Variants in TMPRSS11F observed in about 807,000 individuals in gnomAD.
TMPRSS11F encodes the protein transmembrane serine protease 11F, also known as transmembrane protease serine 11F.
A neutral mutation model predicts 60.2 loss-of-function variants in TMPRSS11F; 47 were observed. That is an observed-to-expected ratio of 0.78 (90% CI 0.62 to 1.00). The LOEUF is 1.00. TMPRSS11F is among the 50% of genes least tolerant of loss of function. The pLI is 0.00. For synonymous variants in TMPRSS11F, 166 were observed against 167.3 expected (o/e 0.99, Z 0.06); for missense variants, 519 against 522.9 (o/e 0.99, Z 0.07).
At chr4:68,096,119 T>TAA (rs1308680751) in intron 2 of TMPRSS11F, among the ~76,000 whole-genome samples, 1 of 142,640 alleles carries the variant, frequency 7.0e-6, no homozygotes. Flanking sequence ...AGTCAATAAT[T>TAA]TAAAAAAAAA....
At chr4:68,072,234 T>TATATATATATATATATATCTTCCAAA in intron 5 of TMPRSS11F, 89 bp downstream of exon 5, 1 of 134,634 alleles carries the variant, frequency 7.4e-6, no homozygotes, top group Non-Finnish European at 1.6e-5. Context: ...AAAAAAAATA[T>TATATATATATATATATATCTTCCAAA]ATATATATAT....
intron 9 of TMPRSS11F, among the ~76,000 whole-genome samples, chr4:68,057,938 C>A (rs1485030299): frequency 6.6e-6 from 1 of 152,110 alleles, no homozygotes; most frequent in African/African-American, 2.4e-5. Flanking sequence ...ATCTAGAGGA[C>A]ATTATGCTAA....
At chr4:68,105,057 T>G (rs1181988057) in intron 1 of TMPRSS11F, among the ~76,000 whole-genome samples, 1 of 144,410 alleles carries the variant, frequency 6.9e-6, no homozygotes, top group African/African-American at 2.5e-5. Flanking sequence ...AGGTTTTTTT[T>G]TTTTTTTTTT....
intron 1 of TMPRSS11F, among the ~76,000 whole-genome samples, chr4:68,118,695 G>A (rs1724571694): frequency 1.3e-5 from 2 of 151,868 alleles, no homozygotes; most frequent in East Asian, 1.9e-4. Context: ...TAGGCTAGGG[G>A]GAAATACAAA....
At chr4:68,062,527 G>C (rs1703827700) in intron 8 of TMPRSS11F, 1 of 749,384 alleles carries the variant, frequency 1.3e-6, no homozygotes, top group Non-Finnish European at 2.5e-6. Flanking sequence ...GATGGTAACT[G>C]TTTGCTTATT....
At chr4:68,075,640 T>C (rs555271471) in intron 3 of TMPRSS11F, among the ~76,000 whole-genome samples, 1 of 152,174 alleles carries the variant, frequency 6.6e-6, no homozygotes. Flanking sequence ...GAAAACTAGG[T>C]CACCAATAAC....
chr4:68,068,698 C>A lies in TMPRSS11F; in HGVS notation c.675G>T (p.Gln225His). The change falls in exon 7 of 10, where the codon CAG becomes CAT. Residue 225 changes from glutamine (Q) to histidine (H), a missense_variant. Gln to His is a conservative substitution (Grantham distance 24). Transcript: ENST00000356291. ...CACACTGATGGCCTGACCCTATGAG[C>A]TGGAGGCTGGCCTGCCATGGCCATT... is the stretch of plus-strand genomic sequence containing the variant. ...EGEWPWQASL[Q>H]LIGSGHQCGA... 6.2e-7 allele frequency: 1 copy of A among 1,614,178 alleles called. No homozygotes were observed.
intron 3 of TMPRSS11F, among the ~76,000 whole-genome samples, chr4:68,084,233 G>A (rs1723761883): frequency 6.6e-6 from 1 of 151,952 alleles, no homozygotes; most frequent in South Asian, 2.1e-4. Context: ...GGAACAACTT[G>A]CAAAACATAT....
At chr4:68,089,302 A>G (rs866990448) in intron 3 of TMPRSS11F, among the ~76,000 whole-genome samples, 5 of 152,286 alleles carry the variant, frequency 3.3e-5, no homozygotes, top group East Asian at 1.9e-4. Context: ...ATATCTTACT[A>G]TATCAATGAA....
rs370912591 is a variant in TMPRSS11F at position 68,072,475 on chromosome 4, T to G, written c.362A>C (p.Gln121Pro). ...SHVIKLSPDE[Q>P]GVDILIVLIF... ...GAGCACTATAAGAATATCCACACCT[T>G]GTTCATCTGGACTGAAGAACAAAAA... Residue 121 changes from glutamine to proline, a missense_variant, in exon 5 of 10, where the codon CAA becomes CCA. Physicochemically the swap from Gln to Pro is moderately conservative, Grantham distance 76. Transcript: ENST00000356291. The G allele has an allele frequency of 5.2e-6, 8 of 1,551,050 alleles. No individual in the cohort carries two copies. In the African/African-American group the frequency reaches 5.5e-5, roughly 11 times the overall value.
intron 1 of TMPRSS11F, among the ~76,000 whole-genome samples, chr4:68,111,007 A>C (rs1044257178): frequency 6.6e-6 from 1 of 152,176 alleles, no homozygotes; most frequent in African/African-American, 2.4e-5. Context: ...AGGCCATCAT[A>C]AATTTCAATC....
At chr4:68,063,399 A>G (rs1723245572) in intron 8 of TMPRSS11F, 1 of 379,278 alleles carries the variant, frequency 2.6e-6, no homozygotes, top group African/African-American at 2.1e-5. Flanking sequence ...TTGTTTTGAG[A>G]TGGAGTCTTG....
chr4:68,101,492 A>G (rs1724188804), intron 1 of TMPRSS11F, among the ~76,000 whole-genome samples: 1 of 152,146 alleles, frequency 6.6e-6, no homozygotes, highest in South Asian at 2.1e-4. Context: ...TATGCAAGAA[A>G]CTTTGAGATT....
At chr4:68,066,363 G>T (rs1245658045) in intron 7 of TMPRSS11F, among the ~76,000 whole-genome samples, 1 of 152,096 alleles carries the variant, frequency 6.6e-6, no homozygotes, top group Non-Finnish European at 1.5e-5. Flanking sequence ...TTTATGCATT[G>T]TCAATAAGAA....
At chr4:68,096,485 C>G (rs1180648516) in intron 2 of TMPRSS11F, among the ~76,000 whole-genome samples, 1 of 152,098 alleles carries the variant, frequency 6.6e-6, no homozygotes, top group Non-Finnish European at 1.5e-5. Context: ...AACCTGAGAA[C>G]GTTTAAACAA....
intron 1 of TMPRSS11F, among the ~76,000 whole-genome samples, chr4:68,117,451 G>A (rs979898948): frequency 1.3e-4 from 14 of 106,990 alleles, no homozygotes; most frequent in African/African-American, 5.1e-4. Flanking sequence ...CTGGGTGACA[G>A]AGCGAGACTC....
intron 1 of TMPRSS11F, among the ~76,000 whole-genome samples, chr4:68,113,507 T>C (rs59649794): frequency 0.22 from 32,979 of 151,978 alleles, 4,012 homozygotes; most frequent in Admixed American, 0.37. Flanking sequence ...AAATCAACTT[T>C]AAATCAAGGG....
chr4:68,092,285 G>A (rs538912479), intron 2 of TMPRSS11F, among the ~76,000 whole-genome samples: 32 of 152,230 alleles, frequency 2.1e-4, no homozygotes, highest in Non-Finnish European at 3.7e-4. Flanking sequence ...AAATCTGTAA[G>A]TGTAATATCT....
At chr4:68,078,304 T>C (rs1723628486) in intron 3 of TMPRSS11F, among the ~76,000 whole-genome samples, 1 of 152,220 alleles carries the variant, frequency 6.6e-6, no homozygotes, top group African/African-American at 2.4e-5. Context: ...CCCTGGCAAA[T>C]TTCTTCAATT....
Sources: gnomAD v4.1 joint callset for allele counts (sites outside exome capture counted in the v4.1 genomes callset) on GRCh38, gnomAD v4.1.1 for gene constraint, MANE v1.5 for transcripts, NCBI Gene and HGNC (gene_info 2026-07-23, HGNC 2026-07-21) for gene names.